Variants in EYS observed in about 807,000 individuals in gnomAD.
The protein encoded by EYS is protein eyes shut homolog.
EYS carries 250 observed loss-of-function variants against 282.1 expected under a neutral mutation model. The observed-to-expected ratio is 0.89, with a 90% confidence interval of 0.80 to 0.98. EYS has a LOEUF of 0.98. Ranked by LOEUF, EYS falls within the 50% of genes least tolerant of loss-of-function variation. The probability of loss-of-function intolerance (pLI) is 0.00; values close to 1 mark genes in which losing one functional copy is unlikely to be tolerated. For missense variants in EYS, 4,016 were observed against 3,709.0 expected, an observed-to-expected ratio of 1.08 and a Z score of -2.15; for synonymous variants, 1,355 against 1,282.9, an observed-to-expected ratio of 1.06 and a Z score of -1.20.
chr6:64,263,959 A>G (rs1221106895), intron 30 of EYS, among the ~76,000 whole-genome samples: 1 of 152,190 alleles, frequency 6.6e-6, no homozygotes, highest in African/African-American at 2.4e-5. Flanking sequence ...GTGCTTTAAT[A>G]TGTAGGACTA....
chr6:64,349,142 G>A (rs901840100), intron 29 of EYS, among the ~76,000 whole-genome samples: 1 of 151,156 alleles, frequency 6.6e-6, no homozygotes, highest in Non-Finnish European at 1.5e-5. Context: ...CTCAGTTTTG[G>A]TATAAGAATA....
intron 2 of EYS, among the ~76,000 whole-genome samples, chr6:65,624,685 C>T (rs354368): frequency 0.069 from 10,574 of 152,154 alleles, 615 homozygotes; most frequent in East Asian, 0.18. Flanking sequence ...AGAGCAGACC[C>T]GCTGAGTCTT....
intron 23 of EYS, among the ~76,000 whole-genome samples, chr6:64,619,458 C>T (rs987511935): frequency 6.7e-6 from 1 of 148,778 alleles, no homozygotes; most frequent in Non-Finnish European, 1.5e-5. Flanking sequence ...GGAGCAGGAA[C>T]ATTTTTAAAG....
At chr6:64,324,527 C>G (rs1178544500) in intron 29 of EYS, among the ~76,000 whole-genome samples, 2 of 152,134 alleles carry the variant, frequency 1.3e-5, no homozygotes, top group Non-Finnish European at 2.9e-5. Context: ...CAACAATATA[C>G]TGAATGGGCA....
At chr6:65,687,424 C>G (rs1331979862) in intron 1 of EYS, among the ~76,000 whole-genome samples, 2 of 152,042 alleles carry the variant, frequency 1.3e-5, no homozygotes, top group African/African-American at 2.4e-5. Context: ...GGTCAAATAA[C>G]TCCCTACTTT....
At chr6:64,891,253 C>A (rs1160142901) in intron 18 of EYS, among the ~76,000 whole-genome samples, 1 of 152,046 alleles carries the variant, frequency 6.6e-6, no homozygotes, top group Non-Finnish European at 1.5e-5. Context: ...CTTTCCACCA[C>A]ACTAAACAAT....
chr6:65,065,629 C>A (rs767021378), intron 12 of EYS, among the ~76,000 whole-genome samples: 2 of 151,888 alleles, frequency 1.3e-5, no homozygotes, highest in East Asian at 3.9e-4. Flanking sequence ...GTGATCTGCC[C>A]GCCTCGGCCT....
intron 26 of EYS, among the ~76,000 whole-genome samples, chr6:64,545,468 G>A (rs1410304329): frequency 2.6e-5 from 4 of 152,154 alleles, no homozygotes; most frequent in African/African-American, 7.2e-5. Flanking sequence ...CACAAGACAG[G>A]GATGCCCTCT....
intron 2 of EYS, among the ~76,000 whole-genome samples, chr6:65,546,591 T>C (rs991717421): frequency 1.3e-5 from 2 of 152,066 alleles, no homozygotes; most frequent in African/African-American, 4.8e-5. Context: ...TGTTTGTTTT[T>C]TGTTTTTTGA....
intron 9 of EYS, among the ~76,000 whole-genome samples, chr6:65,346,405 T>TG (rs1450535055): frequency 2.9e-5 from 4 of 137,980 alleles, no homozygotes; most frequent in Non-Finnish European, 4.7e-5. Flanking sequence ...TTACCCTTAT[T>TG]GAAAAAAAAA....
chr6:65,402,706 C>A lies in EYS; in HGVS notation c.1057-101G>T, dbSNP rs996063581. 9 of 775,324 alleles carry A rather than the reference C, an allele frequency of 1.2e-5. No homozygotes were observed. In the African/African-American group the frequency reaches 1.4e-4, roughly 12 times the overall value. The allele number at this position is 775,324 out of a possible 1,614,324, so 48.0% of individuals were successfully genotyped here. ...GAAGGGTTAAAATTATTTTCATGAA[C>A]TTGGAGTAGAAATTATCTGTCAGCA... On this transcript the variant is annotated intron_variant, in intron 6 of 42. Coordinates refer to ENST00000503581, the MANE Select transcript of EYS (RefSeq NM_001142800.2).
chr6:64,495,115 T>C (rs1461365346), intron 26 of EYS, among the ~76,000 whole-genome samples: 12 of 151,740 alleles, frequency 7.9e-5, no homozygotes. Flanking sequence ...GTTTATATTA[T>C]TTTAATGCTA....
intron 21 of EYS, among the ~76,000 whole-genome samples, chr6:64,814,913 G>T (rs1223808891): frequency 6.6e-6 from 1 of 151,838 alleles, no homozygotes; most frequent in African/African-American, 2.4e-5. Flanking sequence ...TTCATTAATT[G>T]ACACCTATGC....
intron 29 of EYS, among the ~76,000 whole-genome samples, chr6:64,345,797 A>G (rs976523650): frequency 2.6e-5 from 4 of 152,068 alleles, no homozygotes; most frequent in Non-Finnish European, 5.9e-5. Context: ...TTCGCAACCT[A>G]CTTCTCTGAC....
chr6:65,218,367 G>T (rs1014418705), intron 12 of EYS, among the ~76,000 whole-genome samples: 1 of 152,036 alleles, frequency 6.6e-6, no homozygotes, highest in Non-Finnish European at 1.5e-5. Context: ...CATATTTGAT[G>T]CTAACATTTT....
At chr6:65,677,087 T>C (rs1457456306) in intron 1 of EYS, among the ~76,000 whole-genome samples, 2 of 134,320 alleles carry the variant, frequency 1.5e-5, no homozygotes, top group African/African-American at 2.8e-5. Flanking sequence ...AGCCCATAGC[T>C]TTATCACAGT....
At chr6:65,678,159 G>A (rs1226939003) in intron 1 of EYS, among the ~76,000 whole-genome samples, 1 of 151,914 alleles carries the variant, frequency 6.6e-6, no homozygotes, top group Non-Finnish European at 1.5e-5. Context: ...GGGGTACCAC[G>A]CTCTTTTAAA....
chr6:63,838,132 G>C (rs1227558922), intron 36 of EYS, among the ~76,000 whole-genome samples: 1 of 151,780 alleles, frequency 6.6e-6, no homozygotes, highest in Non-Finnish European at 1.5e-5. Flanking sequence ...TACATCTTAT[G>C]TATTTTAGAA....
intron 23 of EYS, among the ~76,000 whole-genome samples, chr6:64,621,344 T>C (rs189163516): frequency 2.6e-4 from 39 of 152,270 alleles, no homozygotes; most frequent in Non-Finnish European, 4.6e-4. Flanking sequence ...GTGATTTCTA[T>C]CTGATGTTAT....
Sources: allele counts gnomAD v4.1 joint callset (sites outside exome capture counted in the v4.1 genomes callset), GRCh38; gene constraint gnomAD v4.1.1; transcripts MANE v1.5; gene names NCBI Gene and HGNC (gene_info 2026-07-23, HGNC 2026-07-21).